The following CDH13 variants were observed in gnomAD, a reference collection of about 807,000 sequenced individuals.
The protein encoded by CDH13 is cadherin-13.
Under a neutral mutation model 63.8 loss-of-function variants are expected in CDH13, and 24 were observed. The observed-to-expected ratio is 0.38, with a 90% CI of 0.27 to 0.53. The LOEUF (loss-of-function observed/expected upper bound fraction) is 0.53, where lower values mean the gene tolerates loss of function less well. Ranked by LOEUF, CDH13 falls within the 20% of genes least tolerant of loss-of-function variation. CDH13 has a pLI of 0.85. For synonymous variants in CDH13, 503 were observed against 355.3 expected, an observed-to-expected ratio of 1.42 and a Z score of -4.67; for missense variants, 1,049 against 903.1, an observed-to-expected ratio of 1.16 and a Z score of -2.07.
chr16:83,263,624 C>T (rs1022378011), intron 5 of CDH13, among the ~76,000 whole-genome samples: 5 of 152,158 alleles, frequency 3.3e-5, no homozygotes, highest in African/African-American at 4.8e-5. Flanking sequence ...GTGGTTTGGC[C>T]AATGTAGAGG....
At chr16:83,019,602 C>T (rs932910374) in intron 2 of CDH13, among the ~76,000 whole-genome samples, 2 of 150,242 alleles carry the variant, frequency 1.3e-5, no homozygotes, top group Admixed American at 6.7e-5. Context: ...TTCAAGTGAT[C>T]CTCCTGCCCA....
intron 2 of CDH13, among the ~76,000 whole-genome samples, chr16:83,003,218 A>G (rs1385045489): frequency 6.6e-6 from 1 of 152,198 alleles, no homozygotes; most frequent in Non-Finnish European, 1.5e-5. Flanking sequence ...AGGCCAATGC[A>G]AATATATTTT....
At chr16:83,321,685 T>C (rs113201349) in intron 5 of CDH13, among the ~76,000 whole-genome samples, 12,883 of 151,974 alleles carry the variant, frequency 0.085, 612 homozygotes, top group Non-Finnish European at 0.11. Context: ...CCTGCCACCA[T>C]GCCCAGCTAA....
At chr16:83,687,776 A>C (rs1904456909) in intron 10 of CDH13, among the ~76,000 whole-genome samples, 1 of 152,198 alleles carries the variant, frequency 6.6e-6, no homozygotes, top group Non-Finnish European at 1.5e-5. Flanking sequence ...AGAACTTTCC[A>C]AGTCCATGAA....
chr16:82,837,720 A>G (rs2038828847), intron 1 of CDH13, among the ~76,000 whole-genome samples: 1 of 152,168 alleles, frequency 6.6e-6, no homozygotes, highest in Non-Finnish European at 1.5e-5. Context: ...CCGAGTTTTT[A>G]CTGGGAGCTC....
At chr16:82,905,167 C>T (rs531936013) in intron 2 of CDH13, among the ~76,000 whole-genome samples, 20 of 152,244 alleles carry the variant, frequency 1.3e-4, no homozygotes, top group African/African-American at 4.6e-4. Context: ...CTGTAACCAT[C>T]CGGTGTGTTT....
At chr16:83,018,674 T>C (rs745906019) in intron 2 of CDH13, among the ~76,000 whole-genome samples, 3 of 152,322 alleles carry the variant, frequency 2.0e-5, no homozygotes, top group Admixed American at 6.5e-5. Context: ...ATTTAATCAT[T>C]GTTGGAACAT....
At chr16:83,417,909 C>G (rs1009848262) in intron 6 of CDH13, among the ~76,000 whole-genome samples, 2 of 152,096 alleles carry the variant, frequency 1.3e-5, no homozygotes, top group Non-Finnish European at 2.9e-5. Context: ...AAAGAGAAAT[C>G]ATAACTGTTT....
At chr16:83,122,819 T>G (rs1229092158) in intron 3 of CDH13, among the ~76,000 whole-genome samples, 1 of 152,196 alleles carries the variant, frequency 6.6e-6, no homozygotes, top group Non-Finnish European at 1.5e-5. Context: ...AAGTGCAGGC[T>G]TCTTACATGC....
chr16:82,733,303 G>A (rs551081039), intron 1 of CDH13, among the ~76,000 whole-genome samples: 190 of 152,236 alleles, frequency 1.2e-3, no homozygotes, highest in Admixed American at 3.0e-3. Flanking sequence ...CAGCAGACAC[G>A]GAGTGAGTTG....
At position 83,783,373 on chromosome 16, in the gene CDH13, G is replaced by A. The variant is rs1268675494; in HGVS notation, c.2035G>A (p.Val679Met). 1.9e-6 allele frequency: 3 copies of A among 1,613,974 alleles called. No homozygotes were observed. Among genetic ancestry groups the A allele is most frequent in the Non-Finnish European group, 2.5e-6 (3 of 1,179,854 alleles). The change falls in exon 13 of 14, where the codon GTG becomes ATG. Residue 679 changes from valine (V) to methionine (M), a missense_variant. Transcript: ENST00000567109. ...MTNITDLRVQ[V>M]CSCRNSKVDC... is the part of the protein sequence containing the mutation. ...GAATATCACAGATCTCAGGGTACAA[G>A]TGTGCTCCTGCAGGAATTCCAAAGT...
chr16:83,421,724 AGCG>A (rs1311785951), intron 6 of CDH13, among the ~76,000 whole-genome samples: 1 of 152,212 alleles, frequency 6.6e-6, no homozygotes, highest in Admixed American at 6.5e-5. Flanking sequence ...CTTTGTTGTT[AGCG>A]TCCAGTAAGG....
chr16:83,697,641 A>G (rs1404786991), intron 10 of CDH13, among the ~76,000 whole-genome samples: 3 of 152,162 alleles, frequency 2.0e-5, no homozygotes, highest in Non-Finnish European at 4.4e-5. Context: ...CTAACCGTGT[A>G]TTCTTCCCGA....
chr16:83,171,772 A>G (rs900598713), intron 4 of CDH13, among the ~76,000 whole-genome samples: 2 of 152,132 alleles, frequency 1.3e-5, no homozygotes, highest in South Asian at 4.2e-4. Flanking sequence ...GTAGTATTGT[A>G]GGAAGATTAA....
intron 10 of CDH13, among the ~76,000 whole-genome samples, chr16:83,734,052 T>C (rs1376679328): frequency 6.6e-6 from 1 of 152,090 alleles, no homozygotes; most frequent in Non-Finnish European, 1.5e-5. Context: ...CCCAAAGCCT[T>C]ACCTCCCCTC....
chr16:83,624,984 A>G (rs965260278), intron 8 of CDH13, among the ~76,000 whole-genome samples: 2 of 152,180 alleles, frequency 1.3e-5, no homozygotes. Flanking sequence ...CCGGTTCTGC[A>G]TGTGTGCGGT....
intron 11 of CDH13, among the ~76,000 whole-genome samples, chr16:83,753,276 G>A (rs966033315): frequency 6.6e-6 from 1 of 152,174 alleles, no homozygotes; most frequent in African/African-American, 2.4e-5. Context: ...AAGCAAGGTG[G>A]CTTACACCTG....
chr16:83,677,846 G>A (rs1001970267), intron 9 of CDH13, among the ~76,000 whole-genome samples: 3 of 152,052 alleles, frequency 2.0e-5, no homozygotes, highest in African/African-American at 4.8e-5. Flanking sequence ...CATTGCCAGG[G>A]AGTTGCCTAA....
At chr16:83,325,059 C>G (rs140843956) in intron 5 of CDH13, among the ~76,000 whole-genome samples, 1 of 152,320 alleles carries the variant, frequency 6.6e-6, no homozygotes, top group Admixed American at 6.5e-5. Context: ...GAACTTCCAT[C>G]AGACAGACCT....
Sources: gnomAD v4.1 joint callset for allele counts (sites outside exome capture counted in the v4.1 genomes callset) on GRCh38, gnomAD v4.1.1 for gene constraint, MANE v1.5 for transcripts, NCBI Gene and HGNC (gene_info 2026-07-23, HGNC 2026-07-21) for gene names.